The following KIAA0232 variants were observed in gnomAD, a reference collection of about 807,000 sequenced individuals.
KIAA0232 encodes KIAA0232.
In KIAA0232, 27 loss-of-function variants were observed where a neutral mutation model predicts 122.0. The ratio of observed to expected loss-of-function variants is 0.22; its 90% confidence interval spans 0.16 to 0.31. KIAA0232 has a LOEUF of 0.31. KIAA0232 is among the 10% of genes least tolerant of loss of function. The pLI is 1.00. For synonymous variants in KIAA0232, 613 were observed against 587.6 expected (o/e 1.04, Z -0.63); for missense variants, 1,551 against 1,634.2 (o/e 0.95, Z 0.88).
Position 6,863,782 on chromosome 4 carries a change from A to T in KIAA0232, c.3400A>T (p.Asn1134Tyr). The T allele has an allele frequency of 1.2e-6, 2 of 1,614,204 alleles. No homozygotes were observed. The highest frequency in any genetic ancestry group is 2.2e-5 in the East Asian group (1 of 44,882). ...ATTTGAATCTGAGAAAGATGAAGCA[A>T]ATATTCCCATTCCTTCTCAAGTTGA... ...SEFESEKDEA[N>Y]IPIPSQVDIF... Residue 1134 changes from asparagine (N) to tyrosine (Y), a missense_variant, in exon 7 of 10, where the codon AAT becomes TAT. Physicochemically the swap from Asn to Tyr is moderately radical, Grantham distance 143. Coordinates refer to ENST00000307659, the MANE Select transcript of KIAA0232 (RefSeq NM_014743.3).
At chr4:6,853,152 T>C (rs1720384978) in intron 4 of KIAA0232, among the ~76,000 whole-genome samples, 1 of 152,202 alleles carries the variant, frequency 6.6e-6, no homozygotes, top group Admixed American at 6.5e-5. Flanking sequence ...ACAAATAGGT[T>C]TATCTTCCAA....
At chr4:6,786,500 G>A (rs1716624984) in intron 1 of KIAA0232, among the ~76,000 whole-genome samples, 1 of 151,962 alleles carries the variant, frequency 6.6e-6, no homozygotes, top group Non-Finnish European at 1.5e-5. Context: ...GTAGAAACGG[G>A]TCTCCCTGTG....
intron 4 of KIAA0232, among the ~76,000 whole-genome samples, chr4:6,850,512 A>T (rs1452533445): frequency 3.9e-5 from 6 of 152,096 alleles, no homozygotes; most frequent in South Asian, 2.1e-4. Flanking sequence ...AAATTTTAAA[A>T]TTTTTTCTAT....
intron 4 of KIAA0232, among the ~76,000 whole-genome samples, chr4:6,851,150 T>A (rs1043867290): frequency 6.6e-6 from 1 of 152,242 alleles, no homozygotes; most frequent in East Asian, 1.9e-4. Flanking sequence ...ACTTTTCTTA[T>A]ATGAATTACT....
chr4:6,812,503 A>G (rs148445422), intron 2 of KIAA0232, among the ~76,000 whole-genome samples: 43 of 152,336 alleles, frequency 2.8e-4, no homozygotes, highest in African/African-American at 9.6e-4. Context: ...TAATAAATTT[A>G]AAGTCCTATG....
intron 1 of KIAA0232, among the ~76,000 whole-genome samples, chr4:6,783,670 CCGGCCTATGGCGCGGGGCGCGG>C (rs1290137803): frequency 6.7e-6 from 1 of 150,324 alleles, no homozygotes; most frequent in Non-Finnish European, 1.5e-5. Flanking sequence ...GACTGGCGCG[CCGGCCTATGGCGCGGGGCGCGG>C]CGCGGGGGGC....
chr4:6,871,680 A>G lies in KIAA0232; in HGVS notation c.3908A>G (p.Glu1303Gly). 1 of 1,568,060 alleles carries G rather than the reference A, an allele frequency of 6.4e-7. No individual in the cohort carries two copies. The highest frequency in any genetic ancestry group is 1.1e-5 in the South Asian group (1 of 88,782). Residue 1303 changes from glutamate to glycine, a missense_variant and splice_region_variant, in exon 8 of 10, where the codon GAA becomes GGA. By Grantham distance (98) the Glu-to-Gly change is moderately conservative. Coordinates refer to ENST00000307659, the MANE Select transcript of KIAA0232 (RefSeq NM_014743.3). ...CCTCTTTTTCCTGCATCAGAGTGTG[A>G]AGGTAAGGAGACCTTTGTTAGTTCA... ...YSPLFPASEC[E>G]ECYTNAKGES...
intron 2 of KIAA0232, among the ~76,000 whole-genome samples, chr4:6,823,348 C>T (rs1203652138): frequency 6.6e-6 from 1 of 152,068 alleles, no homozygotes; most frequent in Non-Finnish European, 1.5e-5. Flanking sequence ...CCTGAGGAAT[C>T]GCCACACTGA....
chr4:6,862,846 T>C lies in KIAA0232; in HGVS notation c.2464T>C (p.Ser822Pro). ...AAGTCCACATGGAGATGGCTACAGC[T>C]CAGGGGTTATTAAAGACATTTGGAC... ...NESPHGDGYS[S>P]GVIKDIWTKM... Residue 822 changes from serine to proline, a missense_variant, in exon 7 of 10, where the codon TCA becomes CCA. Physicochemically the swap from Ser to Pro is moderately conservative, Grantham distance 74. This residue lies in a region of KIAA0232 where 1,108 missense variants were observed against 1,154.8 expected (regional missense o/e 0.96). Transcript: ENST00000307659. 6.2e-7 allele frequency: 1 copy of C among 1,614,200 alleles called. No individual in the cohort carries two copies. The highest frequency in any genetic ancestry group is 8.5e-7 in the Non-Finnish European group (1 of 1,180,028).
intron 7 of KIAA0232, among the ~76,000 whole-genome samples, chr4:6,870,912 T>C (rs190541711): frequency 1.6e-4 from 25 of 152,304 alleles, no homozygotes; most frequent in East Asian, 7.7e-4. Context: ...GAGCACCTCA[T>C]GCCAGTAAAG....
chr4:6,836,799 C>T (rs889676383), intron 3 of KIAA0232, among the ~76,000 whole-genome samples: 1 of 152,120 alleles, frequency 6.6e-6, no homozygotes, highest in East Asian at 1.9e-4. Context: ...GCACATCTTG[C>T]ACCGCCCTTA....
At chr4:6,864,317 C>G (rs1298189081) in intron 7 of KIAA0232, 134 bp downstream of exon 7, 2 of 1,003,868 alleles carry the variant, frequency 2.0e-6, no homozygotes, top group African/African-American at 3.3e-5. Context: ...TTAAATTGTT[C>G]TAATTTTACA....
chr4:6,874,560 A>G (rs1027239401), intron 8 of KIAA0232, among the ~76,000 whole-genome samples: 2 of 152,166 alleles, frequency 1.3e-5, no homozygotes, highest in South Asian at 4.1e-4. Flanking sequence ...GACTCGAGTA[A>G]TGTAAGCGTC....
rs896624853 is a variant in KIAA0232, at chr4:6,857,234, A to T, written c.436+4A>T. On this transcript the variant is annotated splice_donor_region_variant and intron_variant, in intron 5 of 9. Transcript: ENST00000307659. The stretch of plus-strand genomic sequence containing the variant: ...AAAGACCTTCAGAGTAAGCAAGGTG[A>T]GGTCAAAAGCACTGTGCGCACACAT... 6.2e-7 allele frequency: 1 copy of T among 1,611,604 alleles called. No homozygotes were observed. The highest frequency in any genetic ancestry group is 1.3e-5 in the African/African-American group (1 of 74,812).
At chr4:6,844,360 A>G (rs1442833144) in intron 4 of KIAA0232, among the ~76,000 whole-genome samples, 1 of 151,882 alleles carries the variant, frequency 6.6e-6, no homozygotes, top group Non-Finnish European at 1.5e-5. Flanking sequence ...CCTTTCATCC[A>G]ATTATTTTTT....
At chr4:6,846,686 G>T (rs1364880983) in intron 4 of KIAA0232, among the ~76,000 whole-genome samples, 1 of 151,960 alleles carries the variant, frequency 6.6e-6, no homozygotes, top group Non-Finnish European at 1.5e-5. Context: ...ACTATTGCCT[G>T]CTGCAATAGA....
intron 3 of KIAA0232, among the ~76,000 whole-genome samples, chr4:6,835,985 G>T (rs1350554817): frequency 6.6e-6 from 1 of 152,240 alleles, no homozygotes; most frequent in East Asian, 1.9e-4. Flanking sequence ...TATATACCCA[G>T]TAATGGGAAT....
chr4:6,872,875 C>A (rs902607852), intron 8 of KIAA0232, among the ~76,000 whole-genome samples: 8 of 152,210 alleles, frequency 5.3e-5, no homozygotes, highest in African/African-American at 1.7e-4. Context: ...GATGGAAGGC[C>A]AGCTTGGCCA....
chr4:6,810,723 A>G (rs1414162008), intron 2 of KIAA0232, among the ~76,000 whole-genome samples: 1 of 152,218 alleles, frequency 6.6e-6, no homozygotes, highest in Non-Finnish European at 1.5e-5. Context: ...GAATTCAGAC[A>G]CTTCAACAAC....
Sources: gnomAD v4.1 joint callset for allele counts (sites outside exome capture counted in the v4.1 genomes callset) on GRCh38, gnomAD v4.1.1 for gene constraint, gnomAD v4.1.1 regional missense constraint, MANE v1.5 for transcripts, NCBI Gene and HGNC (gene_info 2026-07-23, HGNC 2026-07-21) for gene names.